Variants in ADAMTS20 observed in about 807,000 individuals in gnomAD.
ADAMTS20 encodes the protein ADAM metallopeptidase with thrombospondin type 1 motif 20, also known as A disintegrin and metalloproteinase with thrombospondin motifs 20.
ADAMTS20 carries 225 observed loss-of-function variants against 260.1 expected under a neutral mutation model. That is an observed-to-expected ratio of 0.87 (90% CI 0.78 to 0.97). ADAMTS20 has a LOEUF of 0.97. Ranked by LOEUF, ADAMTS20 falls within the 50% of genes least tolerant of loss-of-function variation. The pLI, the probability that ADAMTS20 is intolerant of heterozygous loss-of-function variation, is 0.00. For synonymous variants in ADAMTS20, 802 were observed against 769.5 expected, an observed-to-expected ratio of 1.04 and a Z score of -0.70; for missense variants, 2,400 against 2,337.7, an observed-to-expected ratio of 1.03 and a Z score of -0.55.
chr12:43,440,212 T>C, intron 16 of ADAMTS20, 143 bp from the exon 17 acceptor site: 3 of 636,870 alleles, frequency 4.7e-6, no homozygotes, highest in Non-Finnish European at 7.9e-6. Context: ...GGCACAATAT[T>C]GGCTCACTGT....
rs552431707 is a variant in ADAMTS20, at chr12:43,374,243, T to C, written c.5446+1136A>G. Among the ~76,000 whole-genome samples, 19 of 149,598 alleles carry C rather than the reference T, an allele frequency of 1.3e-4. No individual in the cohort carries two copies. In the South Asian group the frequency reaches 3.5e-3, roughly 28 times the overall value. On this transcript the variant is annotated intron_variant, in intron 36 of 38. Transcript: ENST00000389420. ...AGTAAATGATAGCCATCATTATTAA[T>C]AATAATGGTTCATAATTTTATGACT... is the stretch of plus-strand genomic sequence containing the variant.
At chr12:43,545,830 A>G (rs551642273) in intron 2 of ADAMTS20, among the ~76,000 whole-genome samples, 1 of 152,080 alleles carries the variant, frequency 6.6e-6, no homozygotes, top group African/African-American at 2.4e-5. Context: ...CAGCTCTCCA[A>G]GCTCTCTCCT....
intron 18 of ADAMTS20, 49 bp downstream of exon 18, chr12:43,439,573 T>C: frequency 1.3e-6 from 2 of 1,561,444 alleles, no homozygotes; most frequent in Non-Finnish European, 8.6e-7. Flanking sequence ...CCCAAAATGA[T>C]GCCAGAATGC....
chr12:43,467,409 G>A (rs982480374), intron 8 of ADAMTS20, among the ~76,000 whole-genome samples: 3 of 151,962 alleles, frequency 2.0e-5, no homozygotes, highest in Admixed American at 6.6e-5. Flanking sequence ...AATTTGGGGG[G>A]AACTCAAGTA....
chr12:43,464,629 G>A lies in ADAMTS20; in HGVS notation c.1471C>T (p.Leu491Phe). ...ATTTGTGACCCAGGACCAAACGCAA[G>A]CTCACACTGCTTGTTTCCATCATAT... Reference protein sequence around the residue: ...SRYDGNKQCELAFGPGSQMCP... With the variant: ...SRYDGNKQCEFAFGPGSQMCP... Residue 491 changes from leucine to phenylalanine, a missense_variant, in exon 10 of 39, where the codon CTT becomes TTT. By Grantham distance (22) the Leu-to-Phe change is conservative (BLOSUM62 0). Transcript: ENST00000389420. The A allele has an allele frequency of 1.2e-6, 2 of 1,613,354 alleles. No individual in the cohort carries two copies. The highest frequency in any genetic ancestry group is 2.2e-5 in the East Asian group (1 of 44,850).
intron 3 of ADAMTS20, among the ~76,000 whole-genome samples, chr12:43,518,022 G>A (rs1001734787): frequency 3.3e-5 from 5 of 151,860 alleles, no homozygotes; most frequent in Non-Finnish European, 7.4e-5. Context: ...ATAAGTCAAA[G>A]TTTCAAATTA....
rs1434034978 is a variant in ADAMTS20 at position 43,427,210 on chromosome 12, T to C, written c.4107+98A>G. Reference sequence around the variant, plus strand: ...AAACAAAAATTCTTTTTCTACATAGTATAGTGAAATCAGATTATTGAACAG... The same window carrying C: ...AAACAAAAATTCTTTTTCTACATAGCATAGTGAAATCAGATTATTGAACAG... On this transcript the variant is annotated intron_variant, in intron 27 of 38. Coordinates refer to ENST00000389420, the MANE Select transcript of ADAMTS20 (RefSeq NM_025003.5). 11 of 1,355,660 alleles carry C rather than the reference T, an allele frequency of 8.1e-6. No individual in the cohort carries two copies. In the South Asian group the frequency reaches 9.2e-5, roughly 11 times the overall value. The allele number at this position is 1,355,660 out of a possible 1,614,324, so 84.0% of individuals were successfully genotyped here.
intron 14 of ADAMTS20, among the ~76,000 whole-genome samples, chr12:43,451,937 A>G (rs1941871192): frequency 6.6e-6 from 1 of 152,202 alleles, no homozygotes; most frequent in Non-Finnish European, 1.5e-5. Context: ...AGAAGCTTAC[A>G]CTTAAAGTAG....
chr12:43,455,876 T>A (rs1439207494), intron 11 of ADAMTS20, among the ~76,000 whole-genome samples: 1 of 152,110 alleles, frequency 6.6e-6, no homozygotes, highest in Non-Finnish European at 1.5e-5. Flanking sequence ...AACCCGCTAA[T>A]TTTTGTATTT....
intron 27 of ADAMTS20, among the ~76,000 whole-genome samples, chr12:43,427,065 C>T (rs1000298780): frequency 5.3e-5 from 8 of 151,932 alleles, no homozygotes; most frequent in Admixed American, 4.6e-4. Flanking sequence ...CTCAGCTACT[C>T]GGGAGGCTGA....
chr12:43,506,730 A>G (rs10748364), intron 3 of ADAMTS20, among the ~76,000 whole-genome samples: 102,966 of 151,228 alleles, frequency 0.68, 35,387 homozygotes, highest in East Asian at 0.99. Flanking sequence ...TGCCCGCCTC[A>G]GCCTCCCAAA....
rs780686056 is a variant in ADAMTS20 at position 43,428,742 on chromosome 12, G to C, written c.3547C>G (p.Leu1183Val). Residue 1183 changes from leucine to valine, a missense_variant, in exon 25 of 39, where the codon CTT (leucine) becomes GTT (valine). Physicochemically the swap from Leu to Val is conservative, Grantham distance 32. Coordinates refer to ENST00000389420, the MANE Select transcript of ADAMTS20 (RefSeq NM_025003.5). ...QARYVSCRDA[L>V]DRIADESYCA... The stretch of plus-strand genomic sequence containing the variant: ...TATGATTCATCTGCTATTCTATCAA[G>C]AGCATCACGACAGCTTACATAGCGG... The C allele has an allele frequency of 6.2e-7, 1 of 1,612,156 alleles. No homozygotes were observed. Among genetic ancestry groups the C allele is most frequent in the South Asian group, 1.1e-5 (1 of 90,906 alleles).
At position 43,425,886 on chromosome 12, in the gene ADAMTS20, T is replaced by C. The variant is rs192218449; in HGVS notation, c.4108-196A>G. Among the ~76,000 whole-genome samples, 1,257 of 144,946 alleles carry C rather than the reference T, an allele frequency of 8.7e-3. 19 individuals carry two copies. Among genetic ancestry groups the C allele is most frequent in the African/African-American group, 0.028 (1,162 of 41,112 alleles). ...CTTCATAATTATCAACATTTCCCCC[T>C]AGACAAAAAAATAAATCAAAGTTTC... On this transcript the variant is annotated intron_variant, in intron 27 of 38. Transcript: ENST00000389420.
At chr12:43,489,962 C>G (rs893228326) in intron 7 of ADAMTS20, among the ~76,000 whole-genome samples, 1 of 151,892 alleles carries the variant, frequency 6.6e-6, no homozygotes, top group Admixed American at 6.6e-5. Flanking sequence ...TGTAATAAAA[C>G]TATTTTTCAA....
At chr12:43,428,613 T>G in intron 25 of ADAMTS20, 22 bp downstream of exon 25, 1 of 1,503,446 alleles carries the variant, frequency 6.7e-7, no homozygotes, top group African/African-American at 1.4e-5. Context: ...TCATTTTCTT[T>G]TTTTCTCATA....
At chr12:43,487,654 T>G (rs2137423652) in intron 7 of ADAMTS20, among the ~76,000 whole-genome samples, 1 of 152,288 alleles carries the variant, frequency 6.6e-6, no homozygotes, top group Non-Finnish European at 1.5e-5. Context: ...AAATAATTTA[T>G]TATTGAATGA....
intron 2 of ADAMTS20, among the ~76,000 whole-genome samples, chr12:43,535,147 A>G (rs554646449): frequency 2.2e-4 from 34 of 152,228 alleles, no homozygotes; most frequent in Admixed American, 4.6e-4. Flanking sequence ...TTGCATTTAT[A>G]TGTTTGTTTG....
chr12:43,527,122 A>G (rs1292799472), intron 3 of ADAMTS20, among the ~76,000 whole-genome samples: 1 of 152,168 alleles, frequency 6.6e-6, no homozygotes, highest in African/African-American at 2.4e-5. Context: ...CCATACAACC[A>G]TCGTAGAGTA....
intron 2 of ADAMTS20, among the ~76,000 whole-genome samples, chr12:43,547,872 C>T (rs749453324): frequency 6.6e-6 from 1 of 152,052 alleles, no homozygotes; most frequent in Non-Finnish European, 1.5e-5. Context: ...GTTCTCAGGC[C>T]CAGAAATCAG....
Sources: allele counts gnomAD v4.1 joint callset (sites outside exome capture counted in the v4.1 genomes callset), GRCh38; gene constraint gnomAD v4.1.1; transcripts MANE v1.5; gene names NCBI Gene and HGNC (gene_info 2026-07-23, HGNC 2026-07-21).